Variants in OSBPL2 observed in about 807,000 individuals in gnomAD.
OSBPL2 encodes the protein oxysterol-binding protein-related protein 2.
OSBPL2 carries 18 observed loss-of-function variants against 58.4 expected under a neutral mutation model. The ratio of observed to expected loss-of-function variants is 0.31; its 90% confidence interval spans 0.21 to 0.46. OSBPL2 has a LOEUF of 0.46. Ranked by LOEUF, OSBPL2 falls within the 20% of genes least tolerant of loss-of-function variation. OSBPL2 has a pLI of 1.00. For synonymous variants in OSBPL2, 221 were observed against 234.1 expected (o/e 0.94, Z 0.51); for missense variants, 461 against 616.5 (o/e 0.75, Z 2.67).
intron 9 of OSBPL2, among the ~76,000 whole-genome samples, chr20:62,282,557 G>C (rs1226162964): frequency 6.6e-6 from 1 of 152,232 alleles, no homozygotes; most frequent in African/African-American, 2.4e-5. Context: ...GTCAGGGCCA[G>C]GTGCAGTGGC....
chr20:62,245,709 G>C (rs1040276674), intron 1 of OSBPL2, among the ~76,000 whole-genome samples: 1 of 152,204 alleles, frequency 6.6e-6, no homozygotes, highest in Non-Finnish European at 1.5e-5. Flanking sequence ...AGGCCTGAGC[G>C]GCCAGTCGTA....
chr20:62,239,363 A>G (rs1979565741), intron 1 of OSBPL2, among the ~76,000 whole-genome samples: 1 of 152,218 alleles, frequency 6.6e-6, no homozygotes, highest in Non-Finnish European at 1.5e-5. Flanking sequence ...CCAAGTTTAT[A>G]AGCCCAGACC....
chr20:62,291,458 G>T, intron 12 of OSBPL2: 1 of 514,834 alleles, frequency 1.9e-6, no homozygotes. Context: ...TAGTGCTGTC[G>T]TAGAACACGC....
intron 1 of OSBPL2, among the ~76,000 whole-genome samples, chr20:62,251,223 T>C (rs982219077): frequency 5.3e-5 from 8 of 150,988 alleles, no homozygotes; most frequent in African/African-American, 1.9e-4. Flanking sequence ...GCCCGGCTAA[T>C]TTTTTGTTTT....
At chr20:62,286,940 G>A (rs904551067) in intron 11 of OSBPL2, among the ~76,000 whole-genome samples, 5 of 152,282 alleles carry the variant, frequency 3.3e-5, no homozygotes, top group Non-Finnish European at 7.3e-5. Flanking sequence ...TTGGGGCTGG[G>A]CACCGCTGCT....
At chr20:62,285,005 G>A (rs908257116) in intron 10 of OSBPL2, 4 of 152,224 alleles carry the variant, frequency 2.6e-5, no homozygotes, top group Non-Finnish European at 5.9e-5. Flanking sequence ...ATTATCTTAA[G>A]ACTAGTTGTT....
chr20:62,256,618 C>A (rs1237448146), intron 2 of OSBPL2, among the ~76,000 whole-genome samples: 1 of 152,204 alleles, frequency 6.6e-6, no homozygotes, highest in African/African-American at 2.4e-5. Context: ...CCGCAGAGTG[C>A]AGTTATTTTT....
chr20:62,248,013 G>T (rs191394546), intron 1 of OSBPL2, among the ~76,000 whole-genome samples: 1 of 151,970 alleles, frequency 6.6e-6, no homozygotes, highest in Non-Finnish European at 1.5e-5. Flanking sequence ...TAGTGGGAAC[G>T]TTTTCCCTTT....
chr20:62,284,128 A>G lies in OSBPL2; in HGVS notation c.955A>G (p.Lys319Glu). 1 of 1,614,114 alleles carries G rather than the reference A, an allele frequency of 6.2e-7. No homozygotes were observed. The highest frequency in any genetic ancestry group is 8.5e-7 in the Non-Finnish European group (1 of 1,179,994). ...IDPVSYESFK[K>E]QERRGDHLRK... ...TCCTGTTTCGTATGAATCCTTCAAGAAGCAGGAGAGGAGAGGTGACCACCT... is the reference window on the plus strand; with the variant it reads ...TCCTGTTTCGTATGAATCCTTCAAGGAGCAGGAGAGGAGAGGTGACCACCT... Residue 319 changes from lysine to glutamate, a missense_variant, in exon 10 of 14, where the codon AAG becomes GAG. Physicochemically the swap from Lys to Glu is moderately conservative, Grantham distance 56. Around this residue, in one of 5 missense-constraint regions of OSBPL2, gnomAD observed 319 missense variants for 419.2 expected, o/e 0.76. Coordinates refer to ENST00000313733, the MANE Select transcript of OSBPL2 (RefSeq NM_144498.4).
chr20:62,262,348 C>T (rs1290802614), intron 3 of OSBPL2, among the ~76,000 whole-genome samples: 2 of 152,214 alleles, frequency 1.3e-5, no homozygotes, highest in Non-Finnish European at 2.9e-5. Flanking sequence ...TGTGTCAGCT[C>T]CCTCTGCTCC....
chr20:62,272,223 G>A lies in OSBPL2; in HGVS notation c.357G>A (p.Arg119=), dbSNP rs373683996. 21 of 1,613,626 alleles carry A rather than the reference G, an allele frequency of 1.3e-5. No homozygotes were observed. In the African/African-American group the frequency reaches 2.3e-4, roughly 17 times the overall value. ...EYMEHVYLIH[R]ASCQPQPLER... ...TGGAGCACGTGTACCTCATCCACAG[G>A]GCCTCCTGCCAGCCCCAGCCCCTGG... Residue 119 remains arginine, a synonymous_variant, in exon 5 of 14, where the codon AGG becomes AGA. Transcript: ENST00000313733.
chr20:62,251,425 T>A (rs1176310000), intron 1 of OSBPL2, among the ~76,000 whole-genome samples: 20 of 149,296 alleles, frequency 1.3e-4, no homozygotes, highest in Admixed American at 3.3e-4. Context: ...TTTTTTTTTT[T>A]AAGACAGATT....
At chr20:62,245,056 G>A (rs1349962990) in intron 1 of OSBPL2, among the ~76,000 whole-genome samples, 1 of 152,124 alleles carries the variant, frequency 6.6e-6, no homozygotes, top group South Asian at 2.1e-4. Flanking sequence ...TGAGCCATTC[G>A]TGTGTCCACG....
chr20:62,254,289 C>G (rs1162655401), intron 1 of OSBPL2, among the ~76,000 whole-genome samples: 1 of 152,236 alleles, frequency 6.6e-6, no homozygotes, highest in Non-Finnish European at 1.5e-5. Flanking sequence ...CAGGCAGCTT[C>G]CTTGCTACCA....
intron 1 of OSBPL2, among the ~76,000 whole-genome samples, chr20:62,254,440 G>T (rs917255721): frequency 6.6e-6 from 1 of 152,254 alleles, no homozygotes; most frequent in Non-Finnish European, 1.5e-5. Context: ...GTCTGCAAGG[G>T]CAAGCACACC....
At chr20:62,261,946 A>G (rs1225498795) in intron 3 of OSBPL2, among the ~76,000 whole-genome samples, 4 of 152,090 alleles carry the variant, frequency 2.6e-5, no homozygotes, top group African/African-American at 2.4e-5. Flanking sequence ...TTTAGTAGCG[A>G]CAGGGTTCCG....
At position 62,288,939 on chromosome 20, in the gene OSBPL2, A is replaced by G. The variant is rs2145977622; in HGVS notation, c.1126-268A>G. Among the ~76,000 whole-genome samples the G allele has an allele frequency of 6.6e-6, 1 of 152,248 alleles. No homozygotes were observed. The highest frequency in any genetic ancestry group is 3.4e-3 in the Middle Eastern group (1 of 294). On this transcript the variant is annotated intron_variant, in intron 11 of 13. Coordinates refer to ENST00000313733, the MANE Select transcript of OSBPL2 (RefSeq NM_144498.4). This position sits in a 1 kb window ranked among gnomAD's most constrained non-coding sequence, Gnocchi z 4.8. ...CAGCAAGCTGGTGACAAATCTGTTG[A>G]TGAGATTGTAAAGACAGAAAAAGAA...
intron 6 of OSBPL2, among the ~76,000 whole-genome samples, chr20:62,275,912 A>ATC (rs1982358992): frequency 7.0e-6 from 1 of 143,260 alleles, no homozygotes; most frequent in Admixed American, 7.0e-5. Flanking sequence ...ATGATTGAGA[A>ATC]TTTTTTTTTT....
At chr20:62,286,514 G>A in intron 10 of OSBPL2, 69 bp from the exon 11 acceptor site, 1 of 1,551,674 alleles carries the variant, frequency 6.4e-7, no homozygotes, top group Middle Eastern at 1.7e-4. Flanking sequence ...GGCGCTCTGA[G>A]AATAGCTGTC....
Sources: gnomAD v4.1 joint callset for allele counts (sites outside exome capture counted in the v4.1 genomes callset) on GRCh38, gnomAD v4.1.1 for gene constraint, gnomAD v4.1.1 regional missense constraint, Gnocchi (gnomAD v3.1) non-coding constraint, MANE v1.5 for transcripts, NCBI Gene and HGNC (gene_info 2026-07-23, HGNC 2026-07-21) for gene names.